GARNL3: variants seen among roughly 807,000 people sequenced by gnomAD.
The protein encoded by GARNL3 is GTPase activating Rap/RanGAP domain like 3.
In GARNL3, 63 loss-of-function variants were observed where a neutral mutation model predicts 125.0. The ratio of observed to expected loss-of-function variants is 0.50; its 90% CI spans 0.41 to 0.62. The LOEUF is 0.62. Ranked by LOEUF, GARNL3 falls within the 20% of genes least tolerant of loss-of-function variation. The pLI is 0.00. For missense variants in GARNL3, 994 were observed against 1,244.0 expected (o/e 0.80, Z 3.02); for synonymous variants, 439 against 457.5 (o/e 0.96, Z 0.52).
At chr9:127,355,623 C>A in intron 20 of GARNL3, 151 bp downstream of exon 20, 1 of 729,678 alleles carries the variant, frequency 1.4e-6, no homozygotes, top group East Asian at 2.5e-5. Context: ...TTGTTTCCCC[C>A]AGAAGACTAA....
intron 22 of GARNL3, among the ~76,000 whole-genome samples, chr9:127,378,883 C>G (rs1323846868): frequency 6.6e-6 from 1 of 152,208 alleles, no homozygotes; most frequent in Non-Finnish European, 1.5e-5. Context: ...CCAAGTGATT[C>G]TCCCACCTCA....
chr9:127,368,067 G>T (rs1413105567), intron 22 of GARNL3, among the ~76,000 whole-genome samples: 3 of 134,532 alleles, frequency 2.2e-5, no homozygotes, highest in Non-Finnish European at 4.6e-5. Context: ...CTAGGCTGGA[G>T]TATGGTGGTG....
chr9:127,388,203 C>G (rs937282543), intron 25 of GARNL3, among the ~76,000 whole-genome samples: 3 of 151,904 alleles, frequency 2.0e-5, no homozygotes, highest in African/African-American at 7.3e-5. Flanking sequence ...GTGGTCCCAG[C>G]TACTCAGGAG....
rs1440461520 is a variant in GARNL3, at chr9:127,342,895, T to TC, written c.1251+561_1251+562insC. 7.1e-5 allele frequency among the ~76,000 whole-genome samples: 10 copies of TC among 141,776 alleles called. 1 individual carries two copies. The highest frequency in any genetic ancestry group is 2.6e-4 in the African/African-American group (10 of 38,406). 93.0% of individuals were successfully genotyped at this position (141,776 alleles called of 152,430 possible). On this transcript the variant is annotated intron_variant, in intron 14 of 27. Coordinates refer to ENST00000373387, the MANE Select transcript of GARNL3 (RefSeq NM_032293.5). Reference sequence around the variant, plus strand: ...TCAGGTGCACATGTGCTCTTTTCTTTTTTTTTTTTTTTTTTTTTGGAGACA... The same window carrying TC: ...TCAGGTGCACATGTGCTCTTTTCTTTCTTTTTTTTTTTTTTTTTTGGAGACA...
At chr9:127,226,215 G>A (rs1173701083) in intron 1 of GARNL3, among the ~76,000 whole-genome samples, 1 of 152,220 alleles carries the variant, frequency 6.6e-6, no homozygotes, top group Non-Finnish European at 1.5e-5. Context: ...GACCAGAGTG[G>A]GGGACAGAGA....
intron 22 of GARNL3, among the ~76,000 whole-genome samples, chr9:127,383,047 C>T (rs186370639): frequency 4.5e-4 from 69 of 152,220 alleles, no homozygotes; most frequent in Non-Finnish European, 8.2e-4. Flanking sequence ...TGTGTTCAAA[C>T]CCTGCTTCCC....
Position 127,255,369 on chromosome 9 carries a change from A to G in GARNL3, c.144-9583A>G, listed in dbSNP as rs1383360490. Among the ~76,000 whole-genome samples the G allele has an allele frequency of 2.6e-5, 4 of 152,338 alleles. No individual in the cohort carries two copies. The East Asian group carries it at 5.8e-4, about 22-fold the overall frequency. On this transcript the variant is annotated intron_variant, in intron 2 of 10. Coordinates refer to the GARNL3 transcript ENST00000439286. The stretch of plus-strand genomic sequence containing the variant: ...CAAGAGCAAATTGTTCAGCCAGATG[A>G]GCTAGTTGCAGGAAGATATGCATGG...
Position 127,345,430 on chromosome 9 carries a change from G to A in GARNL3, c.1384G>A (p.Gly462Arg). Residue 462 changes from glycine to arginine, a missense_variant, in exon 16 of 28, where the codon GGG (glycine) becomes AGG (arginine). This residue lies in a region of GARNL3 where 728 missense variants were observed against 865.7 expected (regional missense o/e 0.84). Transcript: ENST00000373387. ...QALKLKSIVR[G>R]DAPSSLAASG... ...ACTAAAACTGAAATCCATTGTGAGA[G>A]GGGATGCTCCATCAAGCTTGGCAGC... is the stretch of plus-strand genomic sequence containing the variant. 1 of 1,607,306 alleles carries A rather than the reference G, an allele frequency of 6.2e-7. No homozygotes were observed. The highest frequency in any genetic ancestry group is 8.5e-7 in the Non-Finnish European group (1 of 1,176,852).
intron 4 of GARNL3, among the ~76,000 whole-genome samples, chr9:127,315,457 C>A (rs1349896050): frequency 6.6e-6 from 1 of 151,784 alleles, no homozygotes; most frequent in South Asian, 2.1e-4. Flanking sequence ...GGCAACATAG[C>A]GAAACCTTGT....
At chr9:127,357,659 C>T (rs769777891) in intron 21 of GARNL3, among the ~76,000 whole-genome samples, 3 of 152,020 alleles carry the variant, frequency 2.0e-5, no homozygotes, top group Admixed American at 6.6e-5. Flanking sequence ...ATGAAAAGGC[C>T]GGGCACAATG....
intron 1 of GARNL3, among the ~76,000 whole-genome samples, chr9:127,226,023 C>T (rs2062906854): frequency 6.6e-6 from 1 of 152,214 alleles, no homozygotes; most frequent in Non-Finnish European, 1.5e-5. Flanking sequence ...GTCGGCCCTA[C>T]CATTTTCTCA....
intron 2 of GARNL3, among the ~76,000 whole-genome samples, chr9:127,292,223 C>T (rs2064444274): frequency 6.6e-6 from 1 of 152,224 alleles, no homozygotes; most frequent in Non-Finnish European, 1.5e-5. Flanking sequence ...TTGCCATTGA[C>T]ATGTTAGCCA....
At chr9:127,376,453 A>C (rs554679564) in intron 22 of GARNL3, among the ~76,000 whole-genome samples, 229 of 151,564 alleles carry the variant, frequency 1.5e-3, no homozygotes, top group African/African-American at 4.8e-3. Context: ...CTCCTGACCT[A>C]GTGATCCGCC....
rs1185359695 is a variant in GARNL3 at position 127,231,229 on chromosome 9, T to G, written c.-29+6891T>G. Among the ~76,000 whole-genome samples, 13 of 18,056 alleles carry G rather than the reference T, an allele frequency of 7.2e-4. No homozygotes were observed. In the South Asian group the frequency reaches 0.018, roughly 25 times the overall value. The allele number at this position is 18,056 out of a possible 152,430, so 11.8% of individuals were successfully genotyped here. On this transcript the variant is annotated intron_variant, in intron 1 of 10. Coordinates refer to the GARNL3 transcript ENST00000439286. ...GCCACCACGCCCAGCTAATTTTTTG[T>G]TTTTTTTTTTTTTTTTGTATTTTTA...
chr9:127,342,184 T>C, intron 13 of GARNL3, 35 bp from the exon 14 acceptor site: 4 of 1,186,010 alleles, frequency 3.4e-6, no homozygotes, highest in South Asian at 2.4e-5. Context: ...TCAAGAGATA[T>C]CTTGTAATTC....
intron 16 of GARNL3, among the ~76,000 whole-genome samples, chr9:127,347,797 A>G (rs965512214): frequency 6.6e-6 from 1 of 152,200 alleles, no homozygotes; most frequent in Non-Finnish European, 1.5e-5. Flanking sequence ...TTTTCCATTT[A>G]CAAAATGTTG....
At chr9:127,265,743 T>C (rs1205511812) in intron 1 of GARNL3, among the ~76,000 whole-genome samples, 1 of 152,242 alleles carries the variant, frequency 6.6e-6, no homozygotes, top group Non-Finnish European at 1.5e-5. Flanking sequence ...TTTAACACTG[T>C]TAATGACATT....
intron 22 of GARNL3, among the ~76,000 whole-genome samples, chr9:127,381,363 A>AT (rs546370484): frequency 3.3e-5 from 5 of 151,780 alleles, no homozygotes; most frequent in African/African-American, 1.2e-4. Flanking sequence ...TAATTATATC[A>AT]TTTTTTATTC....
At chr9:127,316,528 A>G (rs1172584352) in intron 4 of GARNL3, among the ~76,000 whole-genome samples, 3 of 152,234 alleles carry the variant, frequency 2.0e-5, no homozygotes, top group Non-Finnish European at 4.4e-5. Context: ...AAGCAAAGCC[A>G]CAGAAGAACT....
Sources: allele counts gnomAD v4.1 joint callset (sites outside exome capture counted in the v4.1 genomes callset), GRCh38; gene constraint gnomAD v4.1.1; regional missense constraint gnomAD v4.1.1; transcripts MANE v1.5; gene names NCBI Gene and HGNC (gene_info 2026-07-23, HGNC 2026-07-21).